The following ANKRD17 variants were observed in gnomAD, a reference collection of about 807,000 sequenced individuals.
ANKRD17 encodes the protein ankyrin repeat domain 17, also known as ankyrin repeat domain-containing protein 17.
In ANKRD17, 19 loss-of-function variants were observed where a neutral mutation model predicts 229.7. The observed-to-expected ratio is 0.08, with a 90% CI of 0.06 to 0.12. The LOEUF (loss-of-function observed/expected upper bound fraction) is 0.12, where lower values mean the gene tolerates loss of function less well. ANKRD17 is among the 10% of genes least tolerant of loss of function. ANKRD17 has a pLI of 1.00. For missense variants in ANKRD17, 2,176 were observed against 3,176.8 expected, an observed-to-expected ratio of 0.68 and a Z score of 7.57; for synonymous variants, 1,112 against 1,146.1, an observed-to-expected ratio of 0.97 and a Z score of 0.60.
At chr4:73,169,282 A>AG (rs1383297282) in intron 2 of ANKRD17, among the ~76,000 whole-genome samples, 4 of 152,290 alleles carry the variant, frequency 2.6e-5, no homozygotes, top group South Asian at 4.1e-4. Flanking sequence ...TAGGAACACT[A>AG]GACAGCACTA....
intron 29 of ANKRD17, among the ~76,000 whole-genome samples, chr4:73,090,254 A>T (rs1440838509): frequency 6.6e-6 from 1 of 152,152 alleles, no homozygotes; most frequent in Non-Finnish European, 1.5e-5. Context: ...TACTAAAAAT[A>T]CAAAAATCAG....
intron 1 of ANKRD17, among the ~76,000 whole-genome samples, chr4:73,182,396 C>T (rs1197128277): frequency 6.6e-6 from 1 of 152,096 alleles, no homozygotes; most frequent in Non-Finnish European, 1.5e-5. Context: ...GACACAAGGA[C>T]CTTTATTTAA....
At chr4:73,174,143 A>AGGAAGGAAGGAAGAC (rs1734423302) in intron 2 of ANKRD17, among the ~76,000 whole-genome samples, 2 of 151,100 alleles carry the variant, frequency 1.3e-5, no homozygotes, top group Admixed American at 6.6e-5. Flanking sequence ...GGAAGGAAGA[A>AGGAAGGAAGGAAGAC]AACTACAGAT....
In ANKRD17 at chr4:73,118,010, T is replaced by C. The variant is rs548612125; in HGVS notation, c.4188+678A>G. Among the ~76,000 whole-genome samples the C allele has an allele frequency of 4.1e-4, 62 of 152,244 alleles. 1 individual carries two copies. The South Asian group carries it at 9.9e-3, about 24-fold the overall frequency. Reference sequence around the variant, plus strand: ...TTTTTTTTCCTAGTAAAGTCAATAATTGAAATGAAAACAAATTTTTTTTGA... The same window carrying C: ...TTTTTTTTCCTAGTAAAGTCAATAACTGAAATGAAAACAAATTTTTTTTGA... On this transcript the variant is annotated intron_variant, in intron 22 of 33. Coordinates refer to ENST00000358602, the MANE Select transcript of ANKRD17 (RefSeq NM_032217.5).
intron 1 of ANKRD17, among the ~76,000 whole-genome samples, chr4:73,254,777 A>T (rs896125958): frequency 5.3e-5 from 8 of 152,108 alleles, no homozygotes; most frequent in African/African-American, 1.9e-4. Context: ...TCCAAAAAAA[A>T]AAAAAGAAAG....
chr4:73,163,805 C>T (rs1300738609), intron 2 of ANKRD17, among the ~76,000 whole-genome samples: 3 of 151,894 alleles, frequency 2.0e-5, no homozygotes, highest in Non-Finnish European at 4.4e-5. Flanking sequence ...TTTCTGTTGC[C>T]GTCCTGAATG....
intron 16 of ANKRD17, among the ~76,000 whole-genome samples, chr4:73,131,300 A>T (rs987918909): frequency 6.6e-6 from 1 of 152,240 alleles, no homozygotes; most frequent in South Asian, 2.1e-4. Flanking sequence ...TTTGTCAAGG[A>T]TCAGAAATAA....
At chr4:73,095,700 A>AT (rs937038182) in intron 27 of ANKRD17, among the ~76,000 whole-genome samples, 64 of 147,066 alleles carry the variant, frequency 4.4e-4, no homozygotes, top group African/African-American at 6.2e-4. Context: ...CTTTATTATT[A>AT]TTTTTTTTTT....
Position 73,120,876 on chromosome 4 carries a change from C to T in ANKRD17, c.3849+5G>A. On this transcript the variant is annotated splice_donor_5th_base_variant and intron_variant, in intron 20 of 33. Coordinates refer to ENST00000358602, the MANE Select transcript of ANKRD17 (RefSeq NM_032217.5). ...TTCATGTGTAAATCTCAGACTTTTTCTTACCTTAGCTCTGTGTTCAACATT... is the reference window on the plus strand; with the variant it reads ...TTCATGTGTAAATCTCAGACTTTTTTTTACCTTAGCTCTGTGTTCAACATT... 6.2e-7 allele frequency: 1 copy of T among 1,606,232 alleles called. No individual in the cohort carries two copies. The highest frequency in any genetic ancestry group is 1.7e-5 in the Admixed American group (1 of 59,096).
intron 1 of ANKRD17, among the ~76,000 whole-genome samples, chr4:73,196,125 G>C (rs993490209): frequency 2.0e-5 from 3 of 149,042 alleles, no homozygotes; most frequent in African/African-American, 7.4e-5. Context: ...TCAGTCTCCC[G>C]AGTAGCTGGG....
intron 22 of ANKRD17, 73 bp downstream of exon 22, chr4:73,118,615 G>T: frequency 6.5e-7 from 1 of 1,534,196 alleles, no homozygotes. Context: ...TGAGTCTTTA[G>T]TGATCACTAA....
intron 24 of ANKRD17, 53 bp downstream of exon 24, chr4:73,113,739 G>C: frequency 3.1e-6 from 4 of 1,299,016 alleles, no homozygotes; most frequent in Non-Finnish European, 4.4e-6. Flanking sequence ...CAAAAGAAGA[G>C]AAAACAAGAT....
At chr4:73,161,431 G>GT in intron 2 of ANKRD17, 83 bp from the exon 3 acceptor site, 1 of 1,395,776 alleles carries the variant, frequency 7.2e-7, no homozygotes, top group Non-Finnish European at 9.8e-7. Context: ...GCTATACTGT[G>GT]TATGTTAACA....
In ANKRD17 at chr4:73,092,048, T is replaced by C; in HGVS notation, c.5580A>G (p.Ala1860=). The change falls in exon 29 of 34, where the codon GCA becomes GCG. Residue 1860 remains alanine, a synonymous_variant. Coordinates refer to ENST00000358602, the MANE Select transcript of ANKRD17 (RefSeq NM_032217.5). ...GGTTCTTAATGGTTTTGTGAGTGGA[T>C]GCAGAAGAAATTGCAGGCACAGTGA... is the stretch of plus-strand genomic sequence containing the variant. The part of the protein sequence containing the change: ...TALTVPAISS[A]STHKTIKNPV... 1 of 1,614,232 alleles carries C rather than the reference T, an allele frequency of 6.2e-7. No homozygotes were observed. The highest frequency in any genetic ancestry group is 8.5e-7 in the Non-Finnish European group (1 of 1,180,036).
chr4:73,223,037 A>G, intron 1 of ANKRD17: 1 of 1,536,086 alleles, frequency 6.5e-7, no homozygotes, highest in Non-Finnish European at 8.7e-7. Context: ...TGTTTTATCA[A>G]ACTGCCATGT....
intron 10 of ANKRD17, among the ~76,000 whole-genome samples, chr4:73,145,180 G>A (rs1730102297): frequency 6.6e-6 from 1 of 152,020 alleles, no homozygotes; most frequent in Admixed American, 6.6e-5. Context: ...TGCATGTATG[G>A]TACTCTAGCA....
chr4:73,091,083 G>C lies in ANKRD17; in HGVS notation c.6545C>G (p.Pro2182Arg), dbSNP rs773354607. The change falls in exon 29 of 34, where the codon CCT (proline) becomes CGT (arginine). Residue 2182 changes from proline to arginine, a missense_variant. Physicochemically the swap from Pro to Arg is moderately radical, Grantham distance 103. This residue lies in a region of ANKRD17 where 424 missense variants were observed against 454.0 expected (regional missense o/e 0.93). Coordinates refer to ENST00000358602, the MANE Select transcript of ANKRD17 (RefSeq NM_032217.5). ...CTTGTGAGGGGCAGTTGTGCCATGA[G>C]GGGGTGGTCTAATAGCAGGGGTTTC... ...KMETPAIRPP[P>R]HGTTAPHKNS... The C allele has an allele frequency of 2.5e-6, 4 of 1,614,222 alleles. No individual in the cohort carries two copies. The East Asian group carries it at 6.7e-5, about 27-fold the overall frequency.
intron 6 of ANKRD17, among the ~76,000 whole-genome samples, 199 bp from the exon 7 acceptor site, chr4:73,151,723 C>A (rs1731022208): frequency 6.6e-6 from 1 of 152,156 alleles, no homozygotes; most frequent in Non-Finnish European, 1.5e-5. Flanking sequence ...ACCCTACTGC[C>A]CTATAAACTG....
intron 5 of ANKRD17, 25 bp from the exon 6 acceptor site, chr4:73,154,138 A>G (rs769488332): frequency 3.0e-5 from 44 of 1,487,896 alleles, no homozygotes; most frequent in Non-Finnish European, 3.9e-5. Flanking sequence ...AAAAATAAAA[A>G]GACATTAACA....
Sources: gnomAD v4.1 joint callset for allele counts (sites outside exome capture counted in the v4.1 genomes callset) on GRCh38, gnomAD v4.1.1 for gene constraint, gnomAD v4.1.1 regional missense constraint, MANE v1.5 for transcripts, NCBI Gene and HGNC (gene_info 2026-07-23, HGNC 2026-07-21) for gene names.